Variants in SBNO1 observed in about 807,000 individuals in gnomAD.
SBNO1 encodes the protein strawberry notch homolog 1.
In SBNO1, 23 loss-of-function variants were observed where a neutral mutation model predicts 173.6. The ratio of observed to expected loss-of-function variants is 0.13; its 90% confidence interval spans 0.10 to 0.19. The LOEUF is 0.19. SBNO1 is among the 10% of genes least tolerant of loss of function. The probability of loss-of-function intolerance (pLI) is 1.00; values close to 1 mark genes in which losing one functional copy is unlikely to be tolerated. For missense variants in SBNO1, 1,238 were observed against 1,671.2 expected, an observed-to-expected ratio of 0.74 and a Z score of 4.52; for synonymous variants, 632 against 571.5, an observed-to-expected ratio of 1.11 and a Z score of -1.51.
At chr12:123,319,718 T>G (rs554867554) in intron 20 of SBNO1, among the ~76,000 whole-genome samples, 182 bp downstream of exon 20, 2 of 151,698 alleles carry the variant, frequency 1.3e-5, no homozygotes, top group South Asian at 4.2e-4. Context: ...CAATACTTAC[T>G]ATATTCAATG....
chr12:123,325,536 C>T lies in SBNO1; in HGVS notation c.1939G>A (p.Gly647Arg), dbSNP rs1474261045. 27 of 1,613,130 alleles carry T rather than the reference C, an allele frequency of 1.7e-5. 1 individual carries two copies. In the Admixed American group the frequency reaches 4.3e-4, roughly 26 times the overall value. ...ARTLEALEEG[G>R]GELNDFVSTA... ...GAAACAAAATCATTCAATTCTCCCC[C>T]GCCCTCTTCCAAAGCTTCTAATGTT... Residue 647 changes from glycine to arginine, a missense_variant, in exon 15 of 32, where the codon GGG becomes AGG. Gly to Arg is a moderately radical substitution (Grantham distance 125, BLOSUM62 -2). This residue lies in a region of SBNO1 where 182 missense variants were observed against 339.9 expected (regional missense o/e 0.54). Transcript: ENST00000602398.
At chr12:123,345,836 A>AT (rs879378305) in intron 3 of SBNO1, among the ~76,000 whole-genome samples, 2 of 151,722 alleles carry the variant, frequency 1.3e-5, no homozygotes, top group African/African-American at 4.8e-5. Context: ...TGCCCGGCAA[A>AT]TTTTTTTTAG....
intron 15 of SBNO1, among the ~76,000 whole-genome samples, chr12:123,324,407 C>T (rs898190412): frequency 2.4e-4 from 36 of 152,004 alleles, no homozygotes; most frequent in African/African-American, 7.2e-4. Flanking sequence ...CTGCAACCTC[C>T]GCCGCCTGGG....
At position 123,321,742 on chromosome 12, in the gene SBNO1, G is replaced by A. The variant is rs751739495; in HGVS notation, c.2126-10C>T. 32 of 1,611,674 alleles carry A rather than the reference G, an allele frequency of 2.0e-5. No individual in the cohort carries two copies. The highest frequency in any genetic ancestry group is 1.6e-4 in the Middle Eastern group (1 of 6,082). Reference sequence around the variant, plus strand: ...CGAGTTATTTCTTCACCTACCCTCCGCCACAAACAAGAGAGTCAGCCCAAA... The same window carrying A: ...CGAGTTATTTCTTCACCTACCCTCCACCACAAACAAGAGAGTCAGCCCAAA... On this transcript the variant is annotated splice_polypyrimidine_tract_variant and intron_variant, in intron 16 of 31. Coordinates refer to ENST00000602398, the MANE Select transcript of SBNO1 (RefSeq NM_001167856.3).
intron 5 of SBNO1, among the ~76,000 whole-genome samples, chr12:123,338,406 G>A (rs1002092275): frequency 4.6e-5 from 7 of 152,024 alleles, no homozygotes; most frequent in Non-Finnish European, 1.0e-4. Context: ...ATACAGGCCA[G>A]GCACAGTGGC....
rs535748423 is a variant in SBNO1, at chr12:123,364,767, G to C, written c.-67C>G. On this transcript the variant is annotated 5_prime_UTR_variant, in exon 1 of 32. Transcript: ENST00000602398. Reference sequence around the variant, plus strand: ...GGTGTGAGTTTGAAGGACCAGAGGCGACTGGAGCGGAGGCGGCGGTGGCGG... The same window carrying C: ...GGTGTGAGTTTGAAGGACCAGAGGCCACTGGAGCGGAGGCGGCGGTGGCGG... The C allele has an allele frequency of 5.1e-6, 5 of 989,278 alleles. No homozygotes were observed. In the East Asian group the frequency reaches 5.6e-4, roughly 111 times the overall value. The allele number at this position is 989,278 out of a possible 1,614,324, so 61.3% of individuals were successfully genotyped here.
chr12:123,327,335 C>T, intron 13 of SBNO1, 91 bp downstream of exon 13: 4 of 1,034,496 alleles, frequency 3.9e-6, no homozygotes, highest in Non-Finnish European at 5.8e-6. Context: ...AAATACATTC[C>T]CATGGGCAGG....
intron 16 of SBNO1, among the ~76,000 whole-genome samples, chr12:123,322,052 G>A (rs1252756748): frequency 1.3e-5 from 2 of 152,232 alleles, no homozygotes; most frequent in Non-Finnish European, 2.9e-5. Context: ...CAATTTGACT[G>A]TGTATCAGAT....
intron 1 of SBNO1, chr12:123,364,120 G>A (rs1167037568): frequency 1.0e-6 from 1 of 985,480 alleles, no homozygotes; most frequent in African/African-American, 1.7e-5. Context: ...CGTGAAGGGA[G>A]CCTGCACGTG....
chr12:123,360,590 G>A (rs563968279), intron 1 of SBNO1, among the ~76,000 whole-genome samples: 76 of 151,868 alleles, frequency 5.0e-4, no homozygotes, highest in African/African-American at 1.8e-3. Context: ...GATTATAGGT[G>A]CGGATCACCA....
chr12:123,334,238 T>G, intron 6 of SBNO1, 25 bp from the exon 7 acceptor site: 2 of 1,345,258 alleles, frequency 1.5e-6, no homozygotes, highest in Non-Finnish European at 2.0e-6. Flanking sequence ...AAAAACATTT[T>G]ATTTTAATTA....
chr12:123,324,513 G>A (rs528608940), intron 15 of SBNO1, among the ~76,000 whole-genome samples: 3 of 152,068 alleles, frequency 2.0e-5, no homozygotes, highest in Non-Finnish European at 4.4e-5. Context: ...GTAGAGACGA[G>A]GTTTCACCGT....
Position 123,291,085 on chromosome 12 carries a change from T to C in SBNO1, c.*4823A>G, listed in dbSNP as rs1320754126. Reference sequence around the variant, plus strand: ...CTAAAGTCACCTGTCAATAACACACTAGGCCTGCCTCCTGCCTGCTATAAA... The same window carrying C: ...CTAAAGTCACCTGTCAATAACACACCAGGCCTGCCTCCTGCCTGCTATAAA... On this transcript the variant is annotated 3_prime_UTR_variant, in exon 32 of 32. Coordinates refer to ENST00000602398, the MANE Select transcript of SBNO1 (RefSeq NM_001167856.3). The C allele has an allele frequency of 6.6e-6, 1 of 152,160 alleles. No individual in the cohort carries two copies. Among genetic ancestry groups the C allele is most frequent in the East Asian group, 1.9e-4 (1 of 5,190 alleles). 9.4% of individuals were successfully genotyped at this position (152,160 alleles called of 1,614,324 possible).
chr12:123,308,544 C>T (rs999738640), intron 28 of SBNO1, among the ~76,000 whole-genome samples: 3 of 151,506 alleles, frequency 2.0e-5, no homozygotes, highest in Non-Finnish European at 4.4e-5. Flanking sequence ...TGGTGGCAGG[C>T]GCCTGTAGTC....
chr12:123,346,070 T>C (rs1259445063), intron 3 of SBNO1, among the ~76,000 whole-genome samples: 1 of 152,202 alleles, frequency 6.6e-6, no homozygotes, highest in Non-Finnish European at 1.5e-5. Context: ...ACCCTTTCTA[T>C]AACTGTCAGG....
At chr12:123,303,137 T>C (rs761951752) in intron 29 of SBNO1, among the ~76,000 whole-genome samples, 13 of 152,172 alleles carry the variant, frequency 8.5e-5, no homozygotes, top group Non-Finnish European at 1.3e-4. Flanking sequence ...TCAGAATGGC[T>C]ACAAATAATA....
At position 123,364,803 on chromosome 12, in the gene SBNO1, G is replaced by GGCA; in HGVS notation, c.-104_-103insTGC. On this transcript the variant is annotated 5_prime_UTR_variant, in exon 1 of 32. Transcript: ENST00000602398. ...AGGCGGCGGTGGCGGCGGCAGCAGC[G>GGCA]GCGTCCTGCTCTGCCTACCTCCCCG... is the stretch of plus-strand genomic sequence containing the variant. 2.0e-6 allele frequency: 2 copies of GGCA among 988,000 alleles called. No individual in the cohort carries two copies. Among genetic ancestry groups the GGCA allele is most frequent in the Non-Finnish European group, 2.4e-6 (2 of 831,614 alleles). The allele number at this position is 988,000 out of a possible 1,614,324, so 61.2% of individuals were successfully genotyped here.
chr12:123,354,216 G>C (rs1044965839), intron 1 of SBNO1, among the ~76,000 whole-genome samples: 1 of 152,082 alleles, frequency 6.6e-6, no homozygotes, highest in African/African-American at 2.4e-5. Flanking sequence ...ATTTGACTTA[G>C]CCATTCCACA....
Position 123,295,202 on chromosome 12 carries a change from G to A in SBNO1, c.*706C>T, listed in dbSNP as rs1232723341. 1 of 152,186 alleles carries A rather than the reference G, an allele frequency of 6.6e-6. No homozygotes were observed. Among genetic ancestry groups the A allele is most frequent in the Non-Finnish European group, 1.5e-5 (1 of 68,046 alleles). The allele number at this position is 152,186 out of a possible 1,614,324, so 9.4% of individuals were successfully genotyped here. A position where few individuals can be genotyped will look rare whatever the true frequency, so the allele number is the denominator to read the frequency against. ...CAGAAACCCAGGGCAGGGAGAAGGG[G>A]AAGGAGGGGTCTGCAGGGTTTGAAG... is the stretch of plus-strand genomic sequence containing the variant. On this transcript the variant is annotated 3_prime_UTR_variant, in exon 32 of 32. Coordinates refer to ENST00000602398, the MANE Select transcript of SBNO1 (RefSeq NM_001167856.3).
Sources: gnomAD v4.1 joint callset for allele counts (sites outside exome capture counted in the v4.1 genomes callset) on GRCh38, gnomAD v4.1.1 for gene constraint, gnomAD v4.1.1 regional missense constraint, MANE v1.5 for transcripts, NCBI Gene and HGNC (gene_info 2026-07-23, HGNC 2026-07-21) for gene names.